Variants in GRIN2B observed in about 807,000 individuals in gnomAD.
The protein encoded by GRIN2B is glutamate ionotropic receptor NMDA type subunit 2B.
A neutral mutation model predicts 114.5 loss-of-function variants in GRIN2B; 5 were observed. That is an observed-to-expected ratio of 0.04 (90% CI 0.02 to 0.09). The LOEUF (loss-of-function observed/expected upper bound fraction) is 0.09. Ranked by LOEUF, GRIN2B falls within the 10% of genes least tolerant of loss-of-function variation. GRIN2B has a pLI of 1.00. For synonymous variants in GRIN2B, 787 were observed against 745.1 expected (o/e 1.06, Z -0.92); for missense variants, 1,108 against 1,943.5 (o/e 0.57, Z 8.08).
chr12:13,755,007 C>T (rs1203216020), intron 3 of GRIN2B, among the ~76,000 whole-genome samples: 2 of 152,178 alleles, frequency 1.3e-5, no homozygotes, highest in African/African-American at 4.8e-5. Context: ...CCTCCTATTT[C>T]CCCTGATTTC....
rs1466509867 is a variant in GRIN2B, at chr12:13,743,121, T to C, written c.1010+10196A>G. ...GGTTACTGGGACTCCACACCATAGATAACCCAACTGCCCACAAGCTTCTTA... is the reference window on the plus strand; with the variant it reads ...GGTTACTGGGACTCCACACCATAGACAACCCAACTGCCCACAAGCTTCTTA... On this transcript the variant is annotated intron_variant, in intron 4 of 13. Coordinates refer to ENST00000609686, the MANE Select transcript of GRIN2B (RefSeq NM_000834.5). Among the ~76,000 whole-genome samples the C allele has an allele frequency of 2.0e-5, 3 of 152,334 alleles. No homozygotes were observed. The South Asian group carries it at 6.2e-4, about 32-fold the overall frequency.
At chr12:13,837,736 G>A (rs973453030) in intron 3 of GRIN2B, among the ~76,000 whole-genome samples, 1 of 152,086 alleles carries the variant, frequency 6.6e-6, no homozygotes, top group Non-Finnish European at 1.5e-5. Context: ...TGGGGTTGGC[G>A]ATCTGTTCAA....
chr12:13,588,700 G>GT (rs1948965434), intron 10 of GRIN2B, among the ~76,000 whole-genome samples: 1 of 152,186 alleles, frequency 6.6e-6, no homozygotes, highest in African/African-American at 2.4e-5. Flanking sequence ...ACATAATGCA[G>GT]TGCTGCTTTT....
chr12:13,964,197 C>G (rs74662040), intron 2 of GRIN2B, among the ~76,000 whole-genome samples: 12,165 of 152,264 alleles, frequency 0.08, 635 homozygotes, highest in Non-Finnish European at 0.11. Flanking sequence ...TCCCCTATCC[C>G]TGGGCGGTCA....
chr12:13,893,075 T>A (rs956349842), intron 2 of GRIN2B, among the ~76,000 whole-genome samples: 5 of 152,304 alleles, frequency 3.3e-5, no homozygotes, highest in South Asian at 4.2e-4. Context: ...AGTATTCAAA[T>A]TGACTTGCTT....
At chr12:13,619,317 T>C (rs1485094399) in intron 5 of GRIN2B, among the ~76,000 whole-genome samples, 2 of 152,186 alleles carry the variant, frequency 1.3e-5, no homozygotes, top group Non-Finnish European at 2.9e-5. Context: ...CAATCAGCAG[T>C]CTACAAAAGC....
At chr12:13,938,138 C>T (rs372634425) in intron 2 of GRIN2B, among the ~76,000 whole-genome samples, 8 of 151,358 alleles carry the variant, frequency 5.3e-5, no homozygotes, top group Admixed American at 2.0e-4. Flanking sequence ...CCAAAGAAGG[C>T]GGGAAAGAAG....
intron 2 of GRIN2B, among the ~76,000 whole-genome samples, chr12:13,902,890 C>CT (rs1866476969): frequency 6.6e-6 from 1 of 152,082 alleles, no homozygotes; most frequent in African/African-American, 2.4e-5. Context: ...GCCTGGCACA[C>CT]TTTTTTAGAA....
intron 3 of GRIN2B, among the ~76,000 whole-genome samples, 153 bp downstream of exon 3, chr12:13,865,645 A>AG (rs1865814466): frequency 1.3e-5 from 2 of 151,952 alleles, no homozygotes; most frequent in Non-Finnish European, 2.9e-5. Context: ...AGAGAGAGAG[A>AG]GAAAAAAAAA....
intron 4 of GRIN2B, among the ~76,000 whole-genome samples, chr12:13,705,141 C>T (rs1950348428): frequency 1.3e-5 from 2 of 152,136 alleles, no homozygotes; most frequent in Non-Finnish European, 2.9e-5. Flanking sequence ...CTAGCAGGTG[C>T]TTTACACATA....
chr12:13,786,754 A>C (rs1349685747), intron 3 of GRIN2B, among the ~76,000 whole-genome samples: 2 of 152,112 alleles, frequency 1.3e-5, no homozygotes, highest in Non-Finnish European at 2.9e-5. Flanking sequence ...TAGCTCTTTT[A>C]CAAACTCAAA....
intron 3 of GRIN2B, among the ~76,000 whole-genome samples, chr12:13,852,936 C>T (rs779449589): frequency 3.2e-4 from 48 of 152,268 alleles, no homozygotes; most frequent in Non-Finnish European, 6.3e-4. Context: ...GGAGCACCTC[C>T]TCAGCCTCAG....
At chr12:13,862,517 T>C (rs1865766961) in intron 3 of GRIN2B, among the ~76,000 whole-genome samples, 1 of 152,198 alleles carries the variant, frequency 6.6e-6, no homozygotes, top group South Asian at 2.1e-4. Flanking sequence ...GTGGCCAAGC[T>C]ACATGTCTTA....
chr12:13,590,951 G>A (rs1466944653), intron 10 of GRIN2B, among the ~76,000 whole-genome samples: 2 of 152,098 alleles, frequency 1.3e-5, no homozygotes, highest in African/African-American at 2.4e-5. Flanking sequence ...CCCTTACTAT[G>A]TGCCTAGGAG....
At chr12:13,573,641 A>T (rs1484079322) in intron 10 of GRIN2B, among the ~76,000 whole-genome samples, 2 of 152,246 alleles carry the variant, frequency 1.3e-5, no homozygotes, top group Non-Finnish European at 2.9e-5. Context: ...CAATGAAGAT[A>T]TTTGAAGTCC....
chr12:13,589,771 A>T (rs1261072056), intron 10 of GRIN2B, among the ~76,000 whole-genome samples: 1 of 152,132 alleles, frequency 6.6e-6, no homozygotes, highest in South Asian at 2.1e-4. Flanking sequence ...GAAAAACCCT[A>T]TGTGGTATAG....
At chr12:13,568,804 G>A (rs1313312095) in intron 12 of GRIN2B, among the ~76,000 whole-genome samples, 1 of 152,216 alleles carries the variant, frequency 6.6e-6, no homozygotes, top group African/African-American at 2.4e-5. Flanking sequence ...GAAGAGGGAT[G>A]CAGAAGACAG....
At chr12:13,603,407 C>T (rs1949191137) in intron 10 of GRIN2B, among the ~76,000 whole-genome samples, 2 of 152,062 alleles carry the variant, frequency 1.3e-5, no homozygotes, top group South Asian at 4.1e-4. Context: ...AACAGGGTGG[C>T]ACACTGTTCA....
intron 2 of GRIN2B, among the ~76,000 whole-genome samples, chr12:13,902,167 T>C (rs58547150): frequency 0.041 from 6,273 of 152,258 alleles, 177 homozygotes; most frequent in African/African-American, 0.067. Context: ...AAATAAATCT[T>C]GATATCTGGT....
Sources: gnomAD v4.1 joint callset for allele counts (sites outside exome capture counted in the v4.1 genomes callset) on GRCh38, gnomAD v4.1.1 for gene constraint, MANE v1.5 for transcripts, NCBI Gene and HGNC (gene_info 2026-07-23, HGNC 2026-07-21) for gene names.